TUSC3: variants seen among roughly 807,000 people sequenced by gnomAD.
TUSC3 encodes the protein tumor suppressor candidate 3.
In TUSC3, 45 loss-of-function variants were observed where a neutral mutation model predicts 44.8. The ratio of observed to expected loss-of-function variants is 1.00; its 90% confidence interval spans 0.79 to 1.29. TUSC3 has a LOEUF of 1.29. TUSC3 is among the 50% of genes most tolerant of loss of function. The pLI, the probability that TUSC3 is intolerant of heterozygous loss-of-function variation, is 0.00. For synonymous variants in TUSC3, 212 were observed against 152.9 expected (o/e 1.39, Z -2.85); for missense variants, 519 against 437.9 (o/e 1.19, Z -1.65).
At chr8:15,819,394 C>G in the TUSC3 span, among the ~76,000 whole-genome samples, 7 of 15,636 alleles carry the variant, frequency 4.5e-4, no homozygotes, top group Admixed American at 1.7e-3. Flanking sequence ...ATTGAATTTT[C>G]TATACTACTT....
chr8:15,495,696 G>A (rs1228534469), intron 2 of TUSC3, among the ~76,000 whole-genome samples: 2 of 152,152 alleles, frequency 1.3e-5, no homozygotes, highest in African/African-American at 4.8e-5. Flanking sequence ...TGATCTTGCT[G>A]GGTTACTCTT....
chr8:15,418,496 G>C (rs1050496517), intron 1 of TUSC3, among the ~76,000 whole-genome samples: 5 of 151,930 alleles, frequency 3.3e-5, no homozygotes, highest in African/African-American at 1.2e-4. Flanking sequence ...AATCCCACAG[G>C]GCTGTCAAGA....
At chr8:15,494,284 G>C (rs1800849046) in intron 2 of TUSC3, among the ~76,000 whole-genome samples, 1 of 151,208 alleles carries the variant, frequency 6.6e-6, no homozygotes, top group Non-Finnish European at 1.5e-5. Context: ...TGATGTCTCA[G>C]GCCCCTGAAT....
chr8:15,552,423 A>T (rs915419784), intron 1 of TUSC3, among the ~76,000 whole-genome samples: 2 of 151,798 alleles, frequency 1.3e-5, no homozygotes, highest in Admixed American at 1.3e-4. Flanking sequence ...AGATTCAGAC[A>T]GAAAATCAGG....
chr8:15,624,759 C>T, intron 2 of TUSC3, among the ~76,000 whole-genome samples: 1 of 152,110 alleles, frequency 6.6e-6, no homozygotes, highest in Non-Finnish European at 1.5e-5. Flanking sequence ...GTATTTTCCT[C>T]CTCATTACAG....
At chr8:15,718,917 C>T (rs1810179294) in intron 6 of TUSC3, among the ~76,000 whole-genome samples, 1 of 151,918 alleles carries the variant, frequency 6.6e-6, no homozygotes, top group Non-Finnish European at 1.5e-5. Flanking sequence ...TGTCGTTCTT[C>T]CTTCAAATAT....
chr8:15,839,754 T>G, the TUSC3 span, among the ~76,000 whole-genome samples: 1 of 152,062 alleles, frequency 6.6e-6, no homozygotes, highest in Admixed American at 6.6e-5. Flanking sequence ...TGTGGAGAAA[T>G]AGGAACACTT....
intron 9 of TUSC3, among the ~76,000 whole-genome samples, chr8:15,754,426 T>C (rs532122649): frequency 2.6e-5 from 4 of 152,230 alleles, no homozygotes; most frequent in African/African-American, 9.6e-5. Flanking sequence ...TGAATACATG[T>C]TGCAGAGATC....
At chr8:15,640,569 A>T (rs770980010) in intron 2 of TUSC3, among the ~76,000 whole-genome samples, 2 of 152,168 alleles carry the variant, frequency 1.3e-5, no homozygotes, top group African/African-American at 4.8e-5. Flanking sequence ...AGTTTTTCAG[A>T]TCTGTAGAAT....
rs149869873 is a variant in TUSC3, at chr8:15,454,924, A to G, written n.92-28462A>G. ...ATATCAGTTTAAAATTTTATAATACATATCTAGCAGATGTAACAGGCTCTC... is the reference window on the plus strand; with the variant it reads ...ATATCAGTTTAAAATTTTATAATACGTATCTAGCAGATGTAACAGGCTCTC... On this transcript the variant is annotated intron_variant and non_coding_transcript_variant, in intron 1 of 5. Transcript: ENST00000503191. Among the ~76,000 whole-genome samples the G allele has an allele frequency of 7.0e-3, 1,059 of 152,282 alleles. 12 individuals are homozygous for G. Among genetic ancestry groups the G allele is most frequent in the African/African-American group, 0.024 (1,004 of 41,558 alleles).
chr8:15,845,947 T>TCATG, the TUSC3 span, among the ~76,000 whole-genome samples: 1 of 152,066 alleles, frequency 6.6e-6, no homozygotes, highest in South Asian at 2.1e-4. Context: ...GGCCTCAGAA[T>TCATG]CATGGCAGGA....
At chr8:15,459,295 C>G (rs541161885) in intron 1 of TUSC3, among the ~76,000 whole-genome samples, 2 of 152,080 alleles carry the variant, frequency 1.3e-5, no homozygotes, top group Non-Finnish European at 2.9e-5. Context: ...TCTAAAGTGA[C>G]AATAGAAGTT....
In TUSC3 at chr8:15,481,495, C is replaced by G. The variant is rs571969152; in HGVS notation, n.92-1891C>G. On this transcript the variant is annotated intron_variant and non_coding_transcript_variant, in intron 1 of 5. Coordinates refer to the TUSC3 transcript ENST00000503191. ...GCCAGTTCCTCAATCTTGCACCTCT[C>G]AGCCTCAAGAACCATGATCCAATAA... is the stretch of plus-strand genomic sequence containing the variant. Among the ~76,000 whole-genome samples the G allele has an allele frequency of 1.5e-4, 23 of 152,208 alleles. No individual in the cohort carries two copies. In the South Asian group the frequency reaches 4.3e-3, roughly 29 times the overall value.
chr8:15,630,392 A>C (rs1805705968), intron 2 of TUSC3, among the ~76,000 whole-genome samples: 1 of 152,146 alleles, frequency 6.6e-6, no homozygotes, highest in Admixed American at 6.5e-5. Context: ...CAACAAAATA[A>C]AATTTTTGTT....
the TUSC3 span, among the ~76,000 whole-genome samples, chr8:15,800,817 T>A: frequency 4.1e-4 from 63 of 152,292 alleles, no homozygotes; most frequent in African/African-American, 1.5e-3. Context: ...TGTTCTTAAC[T>A]TGCCACAGTT....
At chr8:15,818,292 T>C in the TUSC3 span, among the ~76,000 whole-genome samples, 4 of 152,142 alleles carry the variant, frequency 2.6e-5, no homozygotes, top group East Asian at 7.7e-4. Context: ...CATGTAAAGA[T>C]TTCACATAAC....
At chr8:15,845,552 T>C in the TUSC3 span, among the ~76,000 whole-genome samples, 1 of 152,284 alleles carries the variant, frequency 6.6e-6, no homozygotes, top group African/African-American at 2.4e-5. Context: ...CTGTGATTTT[T>C]ACAGTTTAAT....
intron 1 of TUSC3, among the ~76,000 whole-genome samples, chr8:15,554,424 C>CT (rs1802165909): frequency 6.6e-6 from 1 of 151,446 alleles, no homozygotes; most frequent in African/African-American, 2.4e-5. Flanking sequence ...ATGGTAGATG[C>CT]TTTATCAGCC....
At chr8:15,745,015 C>G (rs1281281027) in intron 8 of TUSC3, among the ~76,000 whole-genome samples, 2 of 152,094 alleles carry the variant, frequency 1.3e-5, no homozygotes, top group Admixed American at 1.3e-4. Flanking sequence ...ATGTTTAGCT[C>G]CCACTTACAA....
Sources: gnomAD v4.1 joint callset for allele counts (sites outside exome capture counted in the v4.1 genomes callset) on GRCh38, gnomAD v4.1.1 for gene constraint, MANE v1.5 for transcripts, NCBI Gene and HGNC (gene_info 2026-07-23, HGNC 2026-07-21) for gene names.